The following SYNDIG1 variants were observed in gnomAD, a reference collection of about 807,000 sequenced individuals.
The protein encoded by SYNDIG1 is synapse differentiation-inducing gene protein 1.
SYNDIG1 carries 9 observed loss-of-function variants against 19.4 expected under a neutral mutation model. That is an observed-to-expected ratio of 0.46 (90% CI 0.28 to 0.81). The LOEUF is 0.81. Among genes scored for constraint, SYNDIG1 ranks in the 30% least tolerant of loss-of-function variants. The pLI is 0.12. For synonymous variants in SYNDIG1, 141 were observed against 145.9 expected (o/e 0.97, Z 0.24); for missense variants, 311 against 343.3 (o/e 0.91, Z 0.74).
At chr20:24,617,453 C>T (rs1407570564) in intron 3 of SYNDIG1, among the ~76,000 whole-genome samples, 6 of 152,206 alleles carry the variant, frequency 3.9e-5, no homozygotes, top group African/African-American at 1.4e-4. Context: ...CAGCTGCATC[C>T]TTTGGAGATG....
chr20:24,588,918 C>T (rs951638818), intron 3 of SYNDIG1, among the ~76,000 whole-genome samples: 1 of 146,612 alleles, frequency 6.8e-6, no homozygotes, highest in African/African-American at 2.5e-5. Context: ...TTCGGAAGCA[C>T]CTGCCTTCTC....
At chr20:24,469,890 G>C (rs914974979) in intron 1 of SYNDIG1, 137 bp downstream of exon 1, 22 of 152,192 alleles carry the variant, frequency 1.4e-4, no homozygotes, top group African/African-American at 5.1e-4. Context: ...GCTCCGCCTC[G>C]GAGCGCGCAG....
At chr20:24,561,761 T>C (rs987914153) in intron 2 of SYNDIG1, among the ~76,000 whole-genome samples, 2 of 152,004 alleles carry the variant, frequency 1.3e-5, no homozygotes, top group African/African-American at 2.4e-5. Context: ...CAGGATACTA[T>C]CTAAGCGCTG....
chr20:24,589,768 A>AT (rs1227968550), intron 3 of SYNDIG1, among the ~76,000 whole-genome samples: 2 of 152,238 alleles, frequency 1.3e-5, no homozygotes, highest in East Asian at 3.8e-4. Flanking sequence ...AGAAAAGGGT[A>AT]TTAGGAAGCA....
intron 3 of SYNDIG1, among the ~76,000 whole-genome samples, chr20:24,597,373 G>A (rs922001227): frequency 3.3e-5 from 5 of 152,194 alleles, no homozygotes; most frequent in Admixed American, 2.6e-4. Context: ...GCCTTATCCC[G>A]TCTTGTGTCT....
intron 3 of SYNDIG1, among the ~76,000 whole-genome samples, chr20:24,627,725 TA>T (rs1387616023): frequency 1.3e-5 from 2 of 152,250 alleles, no homozygotes; most frequent in African/African-American, 4.8e-5. Context: ...GCTACCAAAC[TA>T]AAAGGGAATG....
intron 3 of SYNDIG1, among the ~76,000 whole-genome samples, chr20:24,655,559 T>C (rs1196729113): frequency 6.6e-6 from 1 of 152,196 alleles, no homozygotes; most frequent in African/African-American, 2.4e-5. Flanking sequence ...AATGTGCCTT[T>C]GGGAAAGAGC....
intron 3 of SYNDIG1, among the ~76,000 whole-genome samples, chr20:24,657,835 CT>C (rs1423846717): frequency 1.4e-5 from 2 of 142,796 alleles, no homozygotes; most frequent in East Asian, 4.7e-4. Context: ...TGGAAATAAC[CT>C]TTACAATAAT....
At chr20:24,654,650 G>A (rs73905417) in intron 3 of SYNDIG1, among the ~76,000 whole-genome samples, 122 of 117,412 alleles carry the variant, frequency 1.0e-3, no homozygotes, top group East Asian at 8.1e-3. Flanking sequence ...GGGAGGGAGG[G>A]AGGAAGGAAG....
At chr20:24,640,449 TGAAG>T (rs1487877286) in intron 3 of SYNDIG1, among the ~76,000 whole-genome samples, 3 of 98,742 alleles carry the variant, frequency 3.0e-5, no homozygotes, top group African/African-American at 8.2e-5. Context: ...GGGAAGGAAA[TGAAG>T]GAAGAAGGGA....
rs766688981 is a variant in SYNDIG1 at position 24,543,431 on chromosome 20, G to A, written c.334G>A (p.Glu112Lys). 6.2e-7 allele frequency: 1 copy of A among 1,613,618 alleles called. No individual in the cohort carries two copies. The highest frequency in any genetic ancestry group is 1.7e-5 in the Admixed American group (1 of 60,014). Residue 112 changes from glutamate (E) to lysine (K), a missense_variant, in exon 2 of 4, where the codon GAG (glutamate) becomes AAG (lysine). Transcript: ENST00000376862. ...WGDGVAADCC[E>K]TTFIEDRSPT... is the part of the protein sequence containing the mutation. Reference sequence around the variant, plus strand: ...GGACGGTGTGGCCGCCGACTGCTGCGAGACCACCTTCATCGAGGACCGGTC... The same window carrying A: ...GGACGGTGTGGCCGCCGACTGCTGCAAGACCACCTTCATCGAGGACCGGTC...
At chr20:24,491,211 T>C (rs1181957453) in intron 1 of SYNDIG1, among the ~76,000 whole-genome samples, 1 of 152,224 alleles carries the variant, frequency 6.6e-6, no homozygotes, top group Non-Finnish European at 1.5e-5. Flanking sequence ...TCAGCCGCGA[T>C]CCATTTTGGG....
chr20:24,569,333 T>C (rs1481363339), intron 2 of SYNDIG1, among the ~76,000 whole-genome samples: 1 of 152,192 alleles, frequency 6.6e-6, no homozygotes, highest in African/African-American at 2.4e-5. Context: ...CTGTTTTACA[T>C]GTGATGAATC....
chr20:24,556,194 T>G (rs2057812509), intron 2 of SYNDIG1, among the ~76,000 whole-genome samples: 1 of 152,214 alleles, frequency 6.6e-6, no homozygotes, highest in African/African-American at 2.4e-5. Context: ...TGAGCCTACT[T>G]GTGTCTCTGC....
chr20:24,653,747 G>A (rs968482550), intron 3 of SYNDIG1, among the ~76,000 whole-genome samples: 8 of 152,168 alleles, frequency 5.3e-5, no homozygotes, highest in African/African-American at 1.9e-4. Context: ...AACTCTGTCA[G>A]CTCTGGAGGC....
chr20:24,657,386 C>T (rs992101350), intron 3 of SYNDIG1, among the ~76,000 whole-genome samples: 1 of 152,162 alleles, frequency 6.6e-6, no homozygotes, highest in African/African-American at 2.4e-5. Context: ...GAGGAAGTCC[C>T]CTCCCTTGGA....
intron 1 of SYNDIG1, among the ~76,000 whole-genome samples, chr20:24,515,869 C>T (rs1242435421): frequency 1.3e-5 from 2 of 152,136 alleles, no homozygotes; most frequent in African/African-American, 2.4e-5. Context: ...AAAACAGAGC[C>T]CGCATTGCCA....
At chr20:24,629,343 G>A (rs1367613100) in intron 3 of SYNDIG1, among the ~76,000 whole-genome samples, 2 of 152,206 alleles carry the variant, frequency 1.3e-5, no homozygotes, top group Non-Finnish European at 2.9e-5. Context: ...CAGTGTCTTA[G>A]GATGGAGGAA....
chr20:24,478,975 G>C (rs2055714118), intron 1 of SYNDIG1, among the ~76,000 whole-genome samples: 1 of 152,210 alleles, frequency 6.6e-6, no homozygotes, highest in Non-Finnish European at 1.5e-5. Context: ...TCAGCATAAG[G>C]CTTTTCCCGG....
Sources: gnomAD v4.1 joint callset for allele counts (sites outside exome capture counted in the v4.1 genomes callset) on GRCh38, gnomAD v4.1.1 for gene constraint, MANE v1.5 for transcripts, NCBI Gene and HGNC (gene_info 2026-07-23, HGNC 2026-07-21) for gene names.